The following NYAP2 variants were observed in gnomAD, a reference collection of about 807,000 sequenced individuals.
NYAP2 encodes neuronal tyrosine-phosphorylated phosphoinositide-3-kinase adapter 2.
Under a neutral mutation model 50.4 loss-of-function variants are expected in NYAP2, and 23 were observed. The ratio of observed to expected loss-of-function variants is 0.46; its 90% CI spans 0.33 to 0.65. The LOEUF (loss-of-function observed/expected upper bound fraction) is 0.65. Ranked by LOEUF, NYAP2 falls within the 30% of genes least tolerant of loss-of-function variation. NYAP2 has a pLI of 0.02. For synonymous variants in NYAP2, 394 were observed against 365.2 expected (o/e 1.08, Z -0.90); for missense variants, 885 against 861.0 (o/e 1.03, Z -0.35).
At chr2:225,554,465 T>C (rs1418453573) in intron 4 of NYAP2, among the ~76,000 whole-genome samples, 2 of 151,812 alleles carry the variant, frequency 1.3e-5, no homozygotes, top group Non-Finnish European at 1.5e-5. Flanking sequence ...GGATTACAGG[T>C]GGGCACTACC....
chr2:225,404,910 G>A (rs1043660323), intron 2 of NYAP2, among the ~76,000 whole-genome samples: 38 of 151,930 alleles, frequency 2.5e-4, no homozygotes, highest in Admixed American at 3.3e-4. Context: ...TCCGATGTTG[G>A]TGATTTTAGG....
chr2:225,589,516 A>AAAATATATATATATATAT lies in NYAP2; in HGVS notation c.1618+6482_1618+6483insAATATATATATATATATA, dbSNP rs112700820. Among the ~76,000 whole-genome samples, 36 of 71,326 alleles carry AAAATATATATATATATAT rather than the reference A, an allele frequency of 5.0e-4. 1 individual carries two copies. The highest frequency in any genetic ancestry group is 1.5e-3 in the Admixed American group (9 of 6,162). The allele number at this position is 71,326 out of a possible 152,430, so 46.8% of individuals were successfully genotyped here. ...AAGACTATATCTCTACTAAAAGTAAAATATATATATATATATATATATATA... is the reference window on the plus strand; with the variant it reads ...AAGACTATATCTCTACTAAAAGTAAAAAATATATATATATATATATATATATATATATATATATATATA... On this transcript the variant is annotated intron_variant, in intron 5 of 6. Transcript: ENST00000636099.
chr2:225,646,129 A>C (rs1693631461), intron 6 of NYAP2, among the ~76,000 whole-genome samples: 1 of 152,224 alleles, frequency 6.6e-6, no homozygotes, highest in Non-Finnish European at 1.5e-5. Flanking sequence ...CAACCTTGTA[A>C]GGATTTGTTT....
intron 3 of NYAP2, among the ~76,000 whole-genome samples, chr2:225,409,384 C>T (rs903322754): frequency 1.3e-5 from 2 of 152,046 alleles, no homozygotes; most frequent in African/African-American, 4.8e-5. Context: ...TACTCAATAA[C>T]CTCTTGGCAA....
intron 4 of NYAP2, 82 bp from the exon 5 acceptor site, chr2:225,581,859 T>C (rs1281004306): frequency 2.2e-6 from 3 of 1,361,530 alleles, no homozygotes; most frequent in Middle Eastern, 1.9e-4. Flanking sequence ...CTAAAGTTTA[T>C]TGTAGTAAAC....
chr2:225,467,842 A>C (rs933841697), intron 3 of NYAP2, among the ~76,000 whole-genome samples: 6 of 152,176 alleles, frequency 3.9e-5, no homozygotes. Flanking sequence ...TTTTGAATAC[A>C]ATCATTCATT....
intron 6 of NYAP2, among the ~76,000 whole-genome samples, chr2:225,632,488 T>C (rs1693338347): frequency 6.6e-6 from 1 of 152,240 alleles, no homozygotes; most frequent in African/African-American, 2.4e-5. Context: ...GAAATGGTTG[T>C]TCTTAACAGC....
chr2:225,687,804 C>G, the NYAP2 span, among the ~76,000 whole-genome samples: 2 of 152,102 alleles, frequency 1.3e-5, no homozygotes, highest in Non-Finnish European at 2.9e-5. Context: ...GTACCCAGTA[C>G]GTATGGACAG....
chr2:225,483,180 T>C (rs1690234980), intron 3 of NYAP2, among the ~76,000 whole-genome samples: 1 of 152,150 alleles, frequency 6.6e-6, no homozygotes, highest in Admixed American at 6.6e-5. Context: ...TTTAAGAAGG[T>C]AGATCTTGAG....
chr2:225,631,963 G>A (rs968573203), intron 6 of NYAP2, among the ~76,000 whole-genome samples: 3 of 152,048 alleles, frequency 2.0e-5, no homozygotes, highest in Non-Finnish European at 1.5e-5. Context: ...GATTACAGGT[G>A]CCCACCACCA....
chr2:225,582,044 A>C lies in NYAP2; in HGVS notation c.627A>C (p.Glu209Asp). The change falls in exon 5 of 7, where the codon GAA becomes GAC. Residue 209 changes from glutamate to aspartate, a missense_variant. Physicochemically the swap from Glu to Asp is conservative, Grantham distance 45 (BLOSUM62 2). Coordinates refer to ENST00000636099, the Ensembl canonical transcript of NYAP2. This position sits in a 1 kb window ranked among gnomAD's most constrained non-coding sequence, Gnocchi z 7.0. ...CTCAGCTGAGCACATCTTTCGATGA[A>C]ACGTACATCAAAAAGCATGGGCCCC... 1 of 1,614,040 alleles carries C rather than the reference A, an allele frequency of 6.2e-7. No homozygotes were observed. The highest frequency in any genetic ancestry group is 8.5e-7 in the Non-Finnish European group (1 of 1,179,894).
At chr2:225,422,410 A>G (rs1695229698) in intron 3 of NYAP2, among the ~76,000 whole-genome samples, 1 of 152,172 alleles carries the variant, frequency 6.6e-6, no homozygotes, top group African/African-American at 2.4e-5. Flanking sequence ...ACAAATACCA[A>G]TAATACATGC....
chr2:225,658,996 A>C (rs899924092), downstream of NYAP2, among the ~76,000 whole-genome samples: 1 of 152,202 alleles, frequency 6.6e-6, no homozygotes, highest in African/African-American at 2.4e-5. Flanking sequence ...CAGTAACTCC[A>C]TTATAGAGTG....
chr2:225,612,890 G>A (rs1320881046), intron 5 of NYAP2, among the ~76,000 whole-genome samples: 2 of 152,112 alleles, frequency 1.3e-5, no homozygotes, highest in South Asian at 2.1e-4. Context: ...ATTGGGGAGG[G>A]GGTGTGGCTC....
chr2:225,605,483 A>C (rs1692769506), intron 5 of NYAP2, among the ~76,000 whole-genome samples: 1 of 152,132 alleles, frequency 6.6e-6, no homozygotes, highest in East Asian at 1.9e-4. Context: ...TATCTTTCTT[A>C]ATCTGCTGGT....
At chr2:225,691,170 T>C in the NYAP2 span, among the ~76,000 whole-genome samples, 1 of 152,152 alleles carries the variant, frequency 6.6e-6, no homozygotes, top group Non-Finnish European at 1.5e-5. Flanking sequence ...TTATTTTTCA[T>C]CTTACATGAT....
chr2:225,615,292 C>T (rs1160546965), intron 5 of NYAP2, among the ~76,000 whole-genome samples: 1 of 152,126 alleles, frequency 6.6e-6, no homozygotes, highest in African/African-American at 2.4e-5. Flanking sequence ...GAGCAAATTG[C>T]CCTGCTCTGC....
intron 3 of NYAP2, among the ~76,000 whole-genome samples, chr2:225,449,531 C>A (rs956030696): frequency 6.7e-6 from 1 of 149,726 alleles, no homozygotes; most frequent in Non-Finnish European, 1.5e-5. Context: ...TTTCAAACTA[C>A]ATTTTTCATT....
At chr2:225,507,490 T>G (rs564244201) in intron 3 of NYAP2, among the ~76,000 whole-genome samples, 53 of 152,322 alleles carry the variant, frequency 3.5e-4, no homozygotes, top group African/African-American at 1.2e-3. Flanking sequence ...GTACTTTTCT[T>G]TATCGGTCCT....
Sources: allele counts gnomAD v4.1 joint callset (sites outside exome capture counted in the v4.1 genomes callset), GRCh38; gene constraint gnomAD v4.1.1; non-coding constraint Gnocchi (gnomAD v3.1); transcripts MANE v1.5; gene names NCBI Gene and HGNC (gene_info 2026-07-23, HGNC 2026-07-21).